The following LRRC38 variants were observed in gnomAD, a reference collection of about 807,000 sequenced individuals.
LRRC38 encodes leucine rich repeat containing 38.
In LRRC38, 5 loss-of-function variants were observed where a neutral mutation model predicts 16.4. The ratio of observed to expected loss-of-function variants is 0.31; its 90% CI spans 0.16 to 0.64. LRRC38 has a LOEUF of 0.64. Among genes scored for constraint, LRRC38 ranks in the 30% least tolerant of loss-of-function variants. LRRC38 has a pLI of 0.80. For synonymous variants in LRRC38, 191 were observed against 190.2 expected (o/e 1.00, Z -0.04); for missense variants, 341 against 401.8 (o/e 0.85, Z 1.29).
chr1:13,499,874 C>T (rs1447984015), intron 1 of LRRC38, among the ~76,000 whole-genome samples: 5 of 152,094 alleles, frequency 3.3e-5, no homozygotes, highest in African/African-American at 9.7e-5. Flanking sequence ...TAAATCTCAC[C>T]CAAATCACTA....
chr1:13,488,662 A>T (rs1638971698), intron 1 of LRRC38, among the ~76,000 whole-genome samples: 1 of 151,882 alleles, frequency 6.6e-6, no homozygotes, highest in Non-Finnish European at 1.5e-5. Flanking sequence ...GGATTTTGTC[A>T]CTCTTTCATC....
At chr1:13,511,181 T>C (rs970681282) in intron 1 of LRRC38, among the ~76,000 whole-genome samples, 2 of 152,176 alleles carry the variant, frequency 1.3e-5, no homozygotes, top group Non-Finnish European at 2.9e-5. Context: ...AGGAGGAACA[T>C]TTCACTTCCA....
chr1:13,494,037 T>C (rs1345811527), intron 1 of LRRC38, among the ~76,000 whole-genome samples: 1 of 152,220 alleles, frequency 6.6e-6, no homozygotes, highest in East Asian at 1.9e-4. Context: ...CACTCCAGCC[T>C]GGGCAAGAGA....
At chr1:13,482,975 A>G (rs537753070) in intron 1 of LRRC38, among the ~76,000 whole-genome samples, 18 of 152,216 alleles carry the variant, frequency 1.2e-4, no homozygotes, top group Admixed American at 4.6e-4. Context: ...GCCCGGGGCC[A>G]TGTAGCAGGG....
chr1:13,496,582 C>T (rs972559000), intron 1 of LRRC38, among the ~76,000 whole-genome samples: 1 of 152,166 alleles, frequency 6.6e-6, no homozygotes, highest in Non-Finnish European at 1.5e-5. Context: ...TTCTGGAGGC[C>T]TCTTCCTCTC....
At position 13,513,555 on chromosome 1, in the gene LRRC38, G is replaced by T; in HGVS notation, c.39C>A (p.Leu13=). Residue 13 remains leucine (L), a synonymous_variant, in exon 1 of 2, where the codon CTC becomes CTA. Transcript: ENST00000376085. ...GCAGCAGCAGAAGGCTGCAGAGCCC[G>T]AGCGCCGCGGCGGCGCAGGCTGGGG... is the stretch of plus-strand genomic sequence containing the variant. The part of the protein sequence containing the change: ...PRAPACAAAA[L]GLCSLLLLLA... 1.6e-6 allele frequency: 2 copies of T among 1,238,036 alleles called. No individual in the cohort carries two copies. Among genetic ancestry groups the T allele is most frequent in the South Asian group, 3.7e-5 (1 of 26,876 alleles). 76.7% of individuals were successfully genotyped at this position (1,238,036 alleles called of 1,614,324 possible).
At chr1:13,498,855 C>CAG (rs1639112827) in intron 1 of LRRC38, among the ~76,000 whole-genome samples, 3 of 152,088 alleles carry the variant, frequency 2.0e-5, no homozygotes, top group Non-Finnish European at 4.4e-5. Context: ...ATCAAGGCAT[C>CAG]GGCAGCGCTG....
chr1:13,490,092 G>A (rs1055901914), intron 1 of LRRC38, among the ~76,000 whole-genome samples: 19 of 152,160 alleles, frequency 1.2e-4, no homozygotes, highest in African/African-American at 4.6e-4. Context: ...CTGTTCATGT[G>A]ATTTTTGTAA....
chr1:13,503,843 G>A (rs1639178567), intron 1 of LRRC38, among the ~76,000 whole-genome samples: 1 of 152,142 alleles, frequency 6.6e-6, no homozygotes, highest in Non-Finnish European at 1.5e-5. Flanking sequence ...CATCTTCAAT[G>A]GCCCATAGCT....
intron 1 of LRRC38, among the ~76,000 whole-genome samples, chr1:13,499,442 G>A (rs1408134614): frequency 1.3e-5 from 2 of 152,136 alleles, no homozygotes; most frequent in Non-Finnish European, 2.9e-5. Flanking sequence ...GAAGTATTTA[G>A]AGTTAAGACT....
chr1:13,498,846 T>C (rs1228573561), intron 1 of LRRC38, among the ~76,000 whole-genome samples: 1 of 152,094 alleles, frequency 6.6e-6, no homozygotes, highest in Non-Finnish European at 1.5e-5. Flanking sequence ...ACATCTGAGA[T>C]CAAGGCATCG....
At chr1:13,512,927 C>CCA in intron 1 of LRRC38, 36 bp downstream of exon 1, 9 of 1,333,532 alleles carry the variant, frequency 6.7e-6, no homozygotes, top group South Asian at 1.3e-5. Flanking sequence ...CCCTGCCCCC[C>CCA]TCCCTCCCTC....
At position 13,513,892 on chromosome 1, in the gene LRRC38, C is replaced by A. The variant is rs1353722844; in HGVS notation, c.-299G>T. ...AAAAATCTCTTGGGAGAGGCGGGAG[C>A]GGCAGGGGTGGCCGAGTGGCCGTCG... is the stretch of plus-strand genomic sequence containing the variant. On this transcript the variant is annotated 5_prime_UTR_variant, in exon 1 of 2. Coordinates refer to ENST00000376085, the MANE Select transcript of LRRC38 (RefSeq NM_001010847.2). The A allele has an allele frequency of 1.3e-5, 2 of 152,406 alleles. No individual in the cohort carries two copies. The highest frequency in any genetic ancestry group is 2.9e-5 in the Non-Finnish European group (2 of 68,242). The allele number at this position is 152,406 out of a possible 1,614,324, so 9.4% of individuals were successfully genotyped here. A position where few individuals can be genotyped will look rare whatever the true frequency, so the allele number is the denominator to read the frequency against.
intron 1 of LRRC38, among the ~76,000 whole-genome samples, chr1:13,482,387 G>A (rs1252572878): frequency 2.6e-5 from 4 of 152,000 alleles, no homozygotes; most frequent in Non-Finnish European, 5.9e-5. Flanking sequence ...GACCACCCCA[G>A]GCAACATGGT....
At chr1:13,489,665 G>A (rs1432046907) in intron 1 of LRRC38, among the ~76,000 whole-genome samples, 6 of 152,134 alleles carry the variant, frequency 3.9e-5, no homozygotes, top group East Asian at 3.9e-4. Flanking sequence ...GGAGGCAGCC[G>A]AGAAGGGACT....
intron 1 of LRRC38, among the ~76,000 whole-genome samples, chr1:13,499,077 AATGATG>A (rs1250806647): frequency 6.6e-6 from 1 of 151,974 alleles, no homozygotes; most frequent in Admixed American, 6.6e-5. Flanking sequence ...TAACATCTAC[AATGATG>A]ATCCCACTGC....
At chr1:13,498,253 A>AC (rs34141945) in intron 1 of LRRC38, among the ~76,000 whole-genome samples, 11,430 of 149,920 alleles carry the variant, frequency 0.076, 619 homozygotes, top group Non-Finnish European at 0.11. Flanking sequence ...ACAAAACAAA[A>AC]AAAAAAAGAG....
At chr1:13,495,827 A>T (rs992078525) in intron 1 of LRRC38, among the ~76,000 whole-genome samples, 1 of 152,094 alleles carries the variant, frequency 6.6e-6, no homozygotes, top group Non-Finnish European at 1.5e-5. Flanking sequence ...GTAATTCTCA[A>T]TCATGGGCCC....
At chr1:13,496,198 G>A (rs354591) in intron 1 of LRRC38, among the ~76,000 whole-genome samples, 4,712 of 151,748 alleles carry the variant, frequency 0.031, 153 homozygotes, top group Admixed American at 0.088. Flanking sequence ...AGAGTGTCTC[G>A]TTCTGTCACC....
Sources: allele counts gnomAD v4.1 joint callset (sites outside exome capture counted in the v4.1 genomes callset), GRCh38; gene constraint gnomAD v4.1.1; transcripts MANE v1.5; gene names NCBI Gene and HGNC (gene_info 2026-07-23, HGNC 2026-07-21).